Variants in BAZ2B observed in about 807,000 individuals in gnomAD.
BAZ2B encodes bromodomain adjacent to zinc finger domain 2B.
Under a neutral mutation model 246.0 loss-of-function variants are expected in BAZ2B, and 91 were observed. The ratio of observed to expected loss-of-function variants is 0.37; its 90% CI spans 0.31 to 0.44. The LOEUF is 0.44. Among genes scored for constraint, BAZ2B ranks in the 20% least tolerant of loss-of-function variants. The pLI, the probability that BAZ2B is intolerant of heterozygous loss-of-function variation, is 1.00. For missense variants in BAZ2B, 2,332 were observed against 2,533.7 expected (o/e 0.92, Z 1.71); for synonymous variants, 855 against 860.0 (o/e 0.99, Z 0.10).
chr2:159,683,943 T>A, the BAZ2B span, among the ~76,000 whole-genome samples: 1 of 152,238 alleles, frequency 6.6e-6, no homozygotes, highest in African/African-American at 2.4e-5. Context: ...TGTGGATATC[T>A]CTGGGAGGCC....
chr2:159,604,739 G>A (rs2151782113), intron 1 of BAZ2B, among the ~76,000 whole-genome samples: 1 of 152,234 alleles, frequency 6.6e-6, no homozygotes, highest in South Asian at 2.1e-4. Flanking sequence ...ATAGATAAAT[G>A]TTGATGGGAA....
At chr2:159,384,050 A>ATTTACACT (rs1404648587) in intron 23 of BAZ2B, among the ~76,000 whole-genome samples, 1 of 152,076 alleles carries the variant, frequency 6.6e-6, no homozygotes, top group Non-Finnish European at 1.5e-5. Context: ...ACACATGGAT[A>ATTTACACT]TTTACATAAG....
the BAZ2B span, among the ~76,000 whole-genome samples, chr2:159,670,250 C>G: frequency 6.6e-6 from 1 of 152,168 alleles, no homozygotes; most frequent in South Asian, 2.1e-4. Flanking sequence ...GAATTACAGG[C>G]GTGAGCTACC....
chr2:159,608,339 C>A (rs1052492637), intron 1 of BAZ2B, among the ~76,000 whole-genome samples: 14 of 152,200 alleles, frequency 9.2e-5, no homozygotes, highest in African/African-American at 3.4e-4. Context: ...CGTGCCACTG[C>A]ACTCCAGCCT....
chr2:159,704,507 A>C, the BAZ2B span, among the ~76,000 whole-genome samples: 1 of 99,372 alleles, frequency 1.0e-5, no homozygotes, highest in Non-Finnish European at 1.9e-5. Flanking sequence ...TTTGAGACGG[A>C]GTTTCGCTCT....
At chr2:159,698,089 G>C in the BAZ2B span, among the ~76,000 whole-genome samples, 1 of 152,134 alleles carries the variant, frequency 6.6e-6, no homozygotes, top group East Asian at 1.9e-4. Context: ...AGAATGAAAA[G>C]ACTCCATTGC....
At chr2:159,437,152 G>A (rs2072511155) in intron 8 of BAZ2B, among the ~76,000 whole-genome samples, 2 of 152,078 alleles carry the variant, frequency 1.3e-5, no homozygotes, top group South Asian at 2.1e-4. Context: ...TAATTAAGTC[G>A]CCTAAAGATA....
chr2:159,327,029 A>G (rs1429313957), intron 34 of BAZ2B, among the ~76,000 whole-genome samples: 1 of 151,330 alleles, frequency 6.6e-6, no homozygotes, highest in Non-Finnish European at 1.5e-5. Flanking sequence ...TAATCAGTGT[A>G]GCAATAATTT....
intron 1 of BAZ2B, among the ~76,000 whole-genome samples, chr2:159,575,554 C>T (rs143405117): frequency 1.2e-3 from 181 of 152,270 alleles, no homozygotes; most frequent in African/African-American, 3.8e-3. Flanking sequence ...AATGAAATTA[C>T]AACTGCTTTT....
downstream of BAZ2B, among the ~76,000 whole-genome samples, chr2:159,316,271 T>A (rs556428358): frequency 6.6e-6 from 1 of 152,266 alleles, no homozygotes; most frequent in South Asian, 2.1e-4. Flanking sequence ...TTAAAAAAAA[T>A]TCCTTTTTTT....
Position 159,348,842 on chromosome 2 carries a change from A to G in BAZ2B, c.5138-9T>C, listed in dbSNP as rs73967821. On this transcript the variant is annotated splice_polypyrimidine_tract_variant and intron_variant, in intron 29 of 36. Transcript: ENST00000392783. ...CCAACCAAACTGCATTTCTAAGTCA[A>G]GATAAATAAGTAGAACTTTTACAAA... 4,673 of 1,583,604 alleles carry G rather than the reference A, an allele frequency of 3.0e-3. 112 individuals carry two copies. In the African/African-American group the frequency reaches 0.054, roughly 18 times the overall value.
At chr2:159,462,737 C>T in intron 3 of BAZ2B, 1 of 1,429,480 alleles carries the variant, frequency 7.0e-7, no homozygotes, top group Non-Finnish European at 9.9e-7. Context: ...CTCTGATCTC[C>T]AACGACCATT....
intron 2 of BAZ2B, among the ~76,000 whole-genome samples, chr2:159,487,645 A>G (rs189609679): frequency 7.9e-5 from 12 of 152,266 alleles, no homozygotes; most frequent in African/African-American, 2.6e-4. Flanking sequence ...TCAATCACCT[A>G]CTTGGGGAGG....
At chr2:159,518,812 G>C (rs868744095) in intron 2 of BAZ2B, among the ~76,000 whole-genome samples, 2 of 152,182 alleles carry the variant, frequency 1.3e-5, no homozygotes, top group African/African-American at 4.8e-5. Flanking sequence ...CTATGATGTG[G>C]GTGGTTCAGC....
chr2:159,579,618 A>C (rs1055102151), intron 1 of BAZ2B, among the ~76,000 whole-genome samples: 1 of 151,980 alleles, frequency 6.6e-6, no homozygotes, highest in African/African-American at 2.4e-5. Context: ...GAGACACAAC[A>C]AAAAAAAGAT....
At chr2:159,577,183 G>A (rs1271513213) in intron 1 of BAZ2B, among the ~76,000 whole-genome samples, 1 of 151,504 alleles carries the variant, frequency 6.6e-6, no homozygotes, top group Non-Finnish European at 1.5e-5. Context: ...AGCCATGATG[G>A]CACCACTGCA....
chr2:159,447,690 C>A (rs2074449519), intron 5 of BAZ2B, among the ~76,000 whole-genome samples: 1 of 152,082 alleles, frequency 6.6e-6, no homozygotes, highest in Admixed American at 6.5e-5. Context: ...AGGCCACATC[C>A]ATATGTAAGT....
the BAZ2B span, among the ~76,000 whole-genome samples, chr2:159,645,973 G>C: frequency 6.6e-6 from 1 of 152,152 alleles, no homozygotes; most frequent in African/African-American, 2.4e-5. Context: ...TGCTAATGAA[G>C]TTTCGGGCAC....
At chr2:159,552,516 T>A (rs758746772) in intron 2 of BAZ2B, among the ~76,000 whole-genome samples, 19 of 152,112 alleles carry the variant, frequency 1.2e-4, no homozygotes, top group Non-Finnish European at 2.2e-4. Flanking sequence ...TAATGCATCG[T>A]TTTATAGGTG....
Sources: gnomAD v4.1 joint callset for allele counts (sites outside exome capture counted in the v4.1 genomes callset) on GRCh38, gnomAD v4.1.1 for gene constraint, MANE v1.5 for transcripts, NCBI Gene and HGNC (gene_info 2026-07-23, HGNC 2026-07-21) for gene names.